Variants in TCTN2 observed in about 807,000 individuals in gnomAD.
TCTN2 encodes the protein tectonic family member 2.
TCTN2 carries 66 observed loss-of-function variants against 83.4 expected under a neutral mutation model. The ratio of observed to expected loss-of-function variants is 0.79; its 90% confidence interval spans 0.65 to 0.97. The LOEUF (loss-of-function observed/expected upper bound fraction) is 0.97, where lower values mean the gene tolerates loss of function less well. Ranked by LOEUF, TCTN2 falls within the 50% of genes least tolerant of loss-of-function variation. The pLI is 0.00. For synonymous variants in TCTN2, 301 were observed against 326.7 expected (o/e 0.92, Z 0.85); for missense variants, 794 against 858.1 (o/e 0.93, Z 0.93).
chr12:123,686,125 C>T (rs941823581), intron 5 of TCTN2, among the ~76,000 whole-genome samples: 1 of 152,024 alleles, frequency 6.6e-6, no homozygotes, highest in African/African-American at 2.4e-5. Flanking sequence ...TGGCTCACTG[C>T]AACCTCTGCC....
intron 15 of TCTN2, among the ~76,000 whole-genome samples, chr12:123,706,282 G>A (rs926911281): frequency 1.3e-5 from 2 of 152,170 alleles, no homozygotes; most frequent in African/African-American, 2.4e-5. Flanking sequence ...TACCACCTCC[G>A]CAGTACTCTT....
At chr12:123,685,748 C>G (rs1260965368) in intron 5 of TCTN2, among the ~76,000 whole-genome samples, 5 of 117,402 alleles carry the variant, frequency 4.3e-5, no homozygotes, top group Non-Finnish European at 8.5e-5. Context: ...TTTTAAGAAG[C>G]AGGGTCTTGT....
intron 15 of TCTN2, among the ~76,000 whole-genome samples, chr12:123,705,763 T>C (rs1284855728): frequency 4.0e-5 from 6 of 151,288 alleles, no homozygotes; most frequent in Admixed American, 1.3e-4. Flanking sequence ...TTCTTTCTTT[T>C]TTTTTTTTTT....
intron 5 of TCTN2, among the ~76,000 whole-genome samples, chr12:123,684,058 T>A (rs1259495003): frequency 6.6e-6 from 1 of 152,216 alleles, no homozygotes; most frequent in African/African-American, 2.4e-5. Flanking sequence ...TTTCATTGGT[T>A]TTTTACTTCC....
At chr12:123,675,667 CA>C (rs1489982228) in intron 4 of TCTN2, among the ~76,000 whole-genome samples, 1 of 152,082 alleles carries the variant, frequency 6.6e-6, no homozygotes, top group Non-Finnish European at 1.5e-5. Flanking sequence ...CTATCTTTTG[CA>C]TAAAGGAGGC....
chr12:123,683,942 A>G (rs768388155), intron 5 of TCTN2, among the ~76,000 whole-genome samples: 13 of 152,118 alleles, frequency 8.5e-5, no homozygotes, highest in Non-Finnish European at 1.2e-4. Flanking sequence ...CCTGGCCACA[A>G]TTTTTGTTCT....
At position 123,699,630 on chromosome 12, in the gene TCTN2, C is replaced by T. The variant is rs186452401; in HGVS notation, c.1506-74C>T. On this transcript the variant is annotated intron_variant, in intron 13 of 17. Transcript: ENST00000303372. ...AATTTAGGCACTCGGAAGTGAAACC[C>T]GGACATTCACTGGAAATGACTTTAG... is the stretch of plus-strand genomic sequence containing the variant. The T allele has an allele frequency of 5.8e-4, 731 of 1,253,936 alleles. 2 individuals are homozygous for T. The African/African-American group carries it at 7.4e-3, about 13-fold the overall frequency. The allele number at this position is 1,253,936 out of a possible 1,614,324, so 77.7% of individuals were successfully genotyped here.
intron 15 of TCTN2, among the ~76,000 whole-genome samples, chr12:123,705,239 T>C (rs1956216212): frequency 6.8e-6 from 1 of 147,920 alleles, no homozygotes; most frequent in South Asian, 2.2e-4. Context: ...CTTGACTCAC[T>C]GCAACCTCCA....
chr12:123,686,969 C>G lies in TCTN2; in HGVS notation c.698C>G (p.Pro233Arg). Residue 233 changes from proline to arginine, a missense_variant, in exon 6 of 18, where the codon CCC becomes CGC. Coordinates refer to ENST00000303372, the MANE Select transcript of TCTN2 (RefSeq NM_024809.5). ...TTTRGVPDWFPFLCVQSPLAN... is the reference protein window; with the variant it reads ...TTTRGVPDWFRFLCVQSPLAN... The stretch of plus-strand genomic sequence containing the variant: ...ACACGTGGTGTCCCCGATTGGTTTC[C>G]CTTTCTGTGTGTGCAGTCCCCCCTT... 6.2e-7 allele frequency: 1 copy of G among 1,614,176 alleles called. No homozygotes were observed. Among genetic ancestry groups the G allele is most frequent in the Non-Finnish European group, 8.5e-7 (1 of 1,180,032 alleles).
At chr12:123,706,326 A>C (rs1251427804) in intron 15 of TCTN2, among the ~76,000 whole-genome samples, 1 of 152,196 alleles carries the variant, frequency 6.6e-6, no homozygotes. Flanking sequence ...GTTGCAAGCA[A>C]GTTATCTCTG....
rs769042861 is a variant in TCTN2, at chr12:123,704,563, G to T, written c.1644G>T (p.Pro548=). 1.2e-6 allele frequency: 2 copies of T among 1,611,320 alleles called. No homozygotes were observed. The highest frequency in any genetic ancestry group is 8.5e-7 in the Non-Finnish European group (1 of 1,179,076). ...ATGCCCCTGATCCAGGTGCAGACCC[G>T]CTGGCTAGCAGTGTGAACGGCATGT... ...RVDAPDPGAD[P]LASSVNGMCL... The change falls in exon 15 of 18, where the codon CCG becomes CCT. Residue 548 remains proline (P), a synonymous_variant. Transcript: ENST00000303372.
chr12:123,674,707 A>C (rs1249168546), intron 4 of TCTN2, among the ~76,000 whole-genome samples: 3 of 152,198 alleles, frequency 2.0e-5, no homozygotes, highest in Non-Finnish European at 4.4e-5. Context: ...CAACCTGGGC[A>C]ACACAGCAGA....
chr12:123,677,678 C>T (rs773920266), intron 4 of TCTN2, among the ~76,000 whole-genome samples: 8 of 152,234 alleles, frequency 5.3e-5, no homozygotes, highest in East Asian at 1.9e-4. Flanking sequence ...TTTCTCTGGC[C>T]TTGTCCCATT....
chr12:123,676,807 C>T (rs190737725), intron 4 of TCTN2, among the ~76,000 whole-genome samples: 479 of 152,070 alleles, frequency 3.1e-3, no homozygotes, highest in Middle Eastern at 6.8e-3. Flanking sequence ...ATGAAGCCAG[C>T]GAACAATGTA....
chr12:123,691,730 G>GT lies in TCTN2; in HGVS notation c.1034-921dup, dbSNP rs1424272385. Among the ~76,000 whole-genome samples, 3 of 126,446 alleles carry GT rather than the reference G, an allele frequency of 2.4e-5. No individual in the cohort carries two copies. The East Asian group carries it at 5.9e-4, about 25-fold the overall frequency. 83.0% of individuals were successfully genotyped at this position (126,446 alleles called of 152,430 possible). A position where few individuals can be genotyped will look rare whatever the true frequency, so the allele number is the denominator to read the frequency against. The stretch of plus-strand genomic sequence containing the variant: ...GGACCCACCAAATTGTTTTTTTTTT[G>GT]TTTTTTTGGTTTTTTTTTTGAGAGG... On this transcript the variant is annotated intron_variant, in intron 8 of 17. Transcript: ENST00000303372.
In TCTN2 at chr12:123,706,605, T is replaced by C. The variant is rs987865498; in HGVS notation, c.1770-121T>C. ...AAATACTGAGAAAAAACAGCCCAGG[T>C]AGAATGCGAAACTTCTTAGGAGAAC... On this transcript the variant is annotated intron_variant, in intron 15 of 17. Coordinates refer to ENST00000303372, the MANE Select transcript of TCTN2 (RefSeq NM_024809.5). The C allele has an allele frequency of 1.8e-5, 26 of 1,454,374 alleles. No individual in the cohort carries two copies. In the African/African-American group the frequency reaches 3.2e-4, roughly 18 times the overall value. The allele number at this position is 1,454,374 out of a possible 1,614,324, so 90.1% of individuals were successfully genotyped here.
At chr12:123,671,356 G>A in intron 1 of TCTN2, 34 bp downstream of exon 1, 1 of 1,608,080 alleles carries the variant, frequency 6.2e-7, no homozygotes, top group Non-Finnish European at 8.5e-7. Flanking sequence ...TCGGTGGGCC[G>A]GGGCTGAGGG....
intron 9 of TCTN2, 70 bp downstream of exon 9, chr12:123,692,793 C>A: frequency 1.7e-6 from 2 of 1,188,780 alleles, no homozygotes; most frequent in Non-Finnish European, 2.5e-6. Flanking sequence ...GTAATATATA[C>A]CCTCAGAGTG....
chr12:123,704,472 C>CTTTGGTTATTACGACTTTGGTT, intron 14 of TCTN2, 60 bp from the exon 15 acceptor site: 2 of 1,538,168 alleles, frequency 1.3e-6, no homozygotes, highest in Non-Finnish European at 1.8e-6. Flanking sequence ...GTTATTACGA[C>CTTTGGTTATTACGACTTTGGTT]ATTGTAGGAA....
Sources: allele counts gnomAD v4.1 joint callset (sites outside exome capture counted in the v4.1 genomes callset), GRCh38; gene constraint gnomAD v4.1.1; transcripts MANE v1.5; gene names NCBI Gene and HGNC (gene_info 2026-07-23, HGNC 2026-07-21).